Variants in PTPRR observed in about 807,000 individuals in gnomAD.
PTPRR encodes protein tyrosine phosphatase receptor type R, also known as receptor-type tyrosine-protein phosphatase R.
PTPRR carries 38 observed loss-of-function variants against 77.2 expected under a neutral mutation model. The observed-to-expected ratio is 0.49, with a 90% confidence interval of 0.38 to 0.65. The LOEUF (loss-of-function observed/expected upper bound fraction) is 0.65. Ranked by LOEUF, PTPRR falls within the 30% of genes least tolerant of loss-of-function variation. The pLI is 0.00. For missense variants in PTPRR, 744 were observed against 799.2 expected (o/e 0.93, Z 0.83); for synonymous variants, 299 against 283.1 (o/e 1.06, Z -0.57).
chr12:70,710,968 A>G (rs1888806186), intron 6 of PTPRR, among the ~76,000 whole-genome samples: 1 of 152,174 alleles, frequency 6.6e-6, no homozygotes, highest in Non-Finnish European at 1.5e-5. Context: ...AAATTAATTC[A>G]ACCATTGTGA....
chr12:70,834,504 A>T (rs1309647974), intron 2 of PTPRR, among the ~76,000 whole-genome samples: 2 of 152,222 alleles, frequency 1.3e-5, no homozygotes, highest in East Asian at 3.8e-4. Flanking sequence ...GTTGGCATCC[A>T]GTAGAGAAAC....
chr12:70,805,153 T>C (rs1157548256), intron 2 of PTPRR, among the ~76,000 whole-genome samples: 4 of 152,128 alleles, frequency 2.6e-5, no homozygotes, highest in Non-Finnish European at 5.9e-5. Context: ...TATCTTAGCA[T>C]TGTATAAATA....
intron 6 of PTPRR, among the ~76,000 whole-genome samples, chr12:70,735,554 G>A (rs180737802): frequency 1.6e-3 from 246 of 152,248 alleles, no homozygotes; most frequent in Non-Finnish European, 2.8e-3. Context: ...TGGGAGCTAC[G>A]GTTCAAGATG....
intron 6 of PTPRR, among the ~76,000 whole-genome samples, chr12:70,706,035 GA>G (rs5798999): frequency 0.22 from 33,018 of 147,730 alleles, 3,986 homozygotes; most frequent in East Asian, 0.46. Context: ...AATGAAAAAG[GA>G]AAAAAAAAAC....
At chr12:70,760,852 G>T (rs1890674526) in intron 4 of PTPRR, among the ~76,000 whole-genome samples, 1 of 152,186 alleles carries the variant, frequency 6.6e-6, no homozygotes, top group African/African-American at 2.4e-5. Flanking sequence ...TGGAGTAATA[G>T]AATTGGAAAG....
intron 2 of PTPRR, among the ~76,000 whole-genome samples, chr12:70,799,096 A>G (rs943309730): frequency 1.3e-5 from 2 of 152,196 alleles, no homozygotes; most frequent in African/African-American, 4.8e-5. Context: ...TCAATCAGAG[A>G]AAGACAAGTC....
At chr12:70,687,096 A>G (rs1230270082) in intron 8 of PTPRR, among the ~76,000 whole-genome samples, 2 of 152,054 alleles carry the variant, frequency 1.3e-5, no homozygotes, top group African/African-American at 4.8e-5. Context: ...TTACAATTCT[A>G]TAACGTACAT....
intron 2 of PTPRR, among the ~76,000 whole-genome samples, chr12:70,817,408 A>G (rs1182275989): frequency 6.6e-6 from 1 of 152,190 alleles, no homozygotes; most frequent in Admixed American, 6.5e-5. Flanking sequence ...TAATTGTTTT[A>G]TGGATATAAA....
intron 2 of PTPRR, among the ~76,000 whole-genome samples, chr12:70,877,418 A>G (rs956839832): frequency 6.6e-6 from 1 of 152,188 alleles, no homozygotes; most frequent in Non-Finnish European, 1.5e-5. Flanking sequence ...TTACAATTCA[A>G]TGTGCTTTAC....
intron 2 of PTPRR, among the ~76,000 whole-genome samples, chr12:70,881,436 C>A (rs987497398): frequency 6.6e-6 from 1 of 152,184 alleles, no homozygotes; most frequent in African/African-American, 2.4e-5. Context: ...CTCACACATA[C>A]ACACACCTCT....
chr12:70,669,434 TTATATATATATGCTATTTATA>T (rs1304353501), intron 10 of PTPRR, among the ~76,000 whole-genome samples: 1 of 149,612 alleles, frequency 6.7e-6, no homozygotes, highest in Non-Finnish European at 1.5e-5. Flanking sequence ...CAAAGCTATT[TTATATATATATGCTATTTATA>T]TATATATATA....
intron 2 of PTPRR, among the ~76,000 whole-genome samples, chr12:70,841,239 T>A (rs1892392261): frequency 6.6e-6 from 1 of 152,094 alleles, no homozygotes; most frequent in Non-Finnish European, 1.5e-5. Context: ...GCCAGCTTTA[T>A]CCTGAATCAC....
rs533811716 is a variant in PTPRR, at chr12:70,650,509, G to A, written c.1880+6195C>T. On this transcript the variant is annotated intron_variant, in intron 13 of 13. Coordinates refer to ENST00000283228, the MANE Select transcript of PTPRR (RefSeq NM_002849.4). Reference sequence around the variant, plus strand: ...GAACTTAGTCAAGAACCTACTTTGTGCCTGAACGCCACCAAGAGGGTTTGG... The same window carrying A: ...GAACTTAGTCAAGAACCTACTTTGTACCTGAACGCCACCAAGAGGGTTTGG... 1.2e-4 allele frequency among the ~76,000 whole-genome samples: 18 copies of A among 152,218 alleles called. No homozygotes were observed. The South Asian group carries it at 3.7e-3, about 32-fold the overall frequency.
chr12:70,672,634 A>G, intron 10 of PTPRR: 5 of 1,522,498 alleles, frequency 3.3e-6, no homozygotes. Flanking sequence ...CTGCCAAGTG[A>G]ATGGGGAAGT....
chr12:70,887,450 C>T (rs59192501), intron 2 of PTPRR, among the ~76,000 whole-genome samples: 6 of 151,168 alleles, frequency 4.0e-5, no homozygotes, highest in South Asian at 2.1e-4. Context: ...AGACTCTTTC[C>T]AAAAAAAAAT....
At chr12:70,801,663 C>T (rs947524930) in intron 2 of PTPRR, among the ~76,000 whole-genome samples, 2 of 152,152 alleles carry the variant, frequency 1.3e-5, no homozygotes, top group Non-Finnish European at 2.9e-5. Context: ...ACTATTGGTT[C>T]TCCTGGATCA....
chr12:70,844,257 T>C (rs1892447120), intron 2 of PTPRR, among the ~76,000 whole-genome samples: 1 of 152,190 alleles, frequency 6.6e-6, no homozygotes. Context: ...TTAGAGATGA[T>C]ACATTTTGAG....
rs565020851 is a variant in PTPRR at position 70,787,342 on chromosome 12, A to T, written c.358-22564T>A. Among the ~76,000 whole-genome samples the T allele has an allele frequency of 2.6e-5, 4 of 152,336 alleles. No homozygotes were observed. In the South Asian group the frequency reaches 8.3e-4, roughly 32 times the overall value. On this transcript the variant is annotated intron_variant, in intron 2 of 13. Transcript: ENST00000283228. ...GCCAAATATAGACATGGCTAATTTG[A>T]TACAACACAATCCAGCATCAATTAT...
At chr12:70,647,191 A>G (rs970602232) in intron 13 of PTPRR, among the ~76,000 whole-genome samples, 7 of 151,932 alleles carry the variant, frequency 4.6e-5, no homozygotes, top group African/African-American at 9.7e-5. Flanking sequence ...AAAAAAGAGG[A>G]AAAAAAAGGC....
Sources: gnomAD v4.1 joint callset for allele counts (sites outside exome capture counted in the v4.1 genomes callset) on GRCh38, gnomAD v4.1.1 for gene constraint, MANE v1.5 for transcripts, NCBI Gene and HGNC (gene_info 2026-07-23, HGNC 2026-07-21) for gene names.